The following C16orf87 variants were observed in gnomAD, a reference collection of about 807,000 sequenced individuals.
C16orf87 encodes HDAC and MIER1 interacting protein 1, also known as UPF0547 protein C16orf87.
Under a neutral mutation model 21.0 loss-of-function variants are expected in C16orf87, and 13 were observed. That is an observed-to-expected ratio of 0.62 (90% CI 0.40 to 0.98). The LOEUF (loss-of-function observed/expected upper bound fraction) is 0.98, where lower values mean the gene tolerates loss of function less well. Among genes scored for constraint, C16orf87 ranks in the 50% least tolerant of loss-of-function variants. The pLI is 0.00. For missense variants in C16orf87, 113 were observed against 180.4 expected, an observed-to-expected ratio of 0.63 and a Z score of 2.14; for synonymous variants, 49 against 60.2, an observed-to-expected ratio of 0.81 and a Z score of 0.86.
intron 3 of C16orf87, among the ~76,000 whole-genome samples, chr16:46,806,622 A>G (rs1435196735): frequency 1.3e-5 from 2 of 152,170 alleles, no homozygotes; most frequent in African/African-American, 2.4e-5. Context: ...ATCAGTCAAA[A>G]TGTCACTTCT....
At chr16:46,811,611 C>T (rs189023295) in intron 2 of C16orf87, among the ~76,000 whole-genome samples, 1 of 152,002 alleles carries the variant, frequency 6.6e-6, no homozygotes, top group East Asian at 1.9e-4. Flanking sequence ...TCCAATCTCT[C>T]CAGCCCTTAG....
chr16:46,814,009 A>G (rs1271537278), intron 2 of C16orf87, among the ~76,000 whole-genome samples: 1 of 152,166 alleles, frequency 6.6e-6, no homozygotes, highest in Non-Finnish European at 1.5e-5. Context: ...CATTTACCTT[A>G]CCACCTTCTC....
chr16:46,809,513 G>T (rs1968021528), intron 3 of C16orf87, 90 bp downstream of exon 3: 2 of 762,216 alleles, frequency 2.6e-6, no homozygotes, highest in African/African-American at 3.6e-5. Flanking sequence ...AAGTCCAGGA[G>T]CTCAATGCCT....
At position 46,831,163 on chromosome 16, in the gene C16orf87, A is replaced by G. The variant is rs183432211; in HGVS notation, c.-14T>C. On this transcript the variant is annotated 5_prime_UTR_variant, in exon 1 of 4. Coordinates refer to ENST00000285697, the MANE Select transcript of C16orf87 (RefSeq NM_001001436.4). ...AGTTGCAGACATGCTCCTCTCCCTT[A>G]GCGGCGGCAGCAGCGACGGCTCGGG... 9.0e-3 allele frequency: 13,965 copies of G among 1,554,744 alleles called. 89 individuals are homozygous for G. The highest frequency in any genetic ancestry group is 0.012 in the Middle Eastern group (68 of 5,810).
chr16:46,821,479 C>T (rs946276971), intron 2 of C16orf87, among the ~76,000 whole-genome samples: 7 of 152,196 alleles, frequency 4.6e-5, no homozygotes, highest in Admixed American at 3.9e-4. Flanking sequence ...CTGGTTCTTC[C>T]TCCTCCTGCA....
Position 46,799,009 on chromosome 16 carries a change from C to T in C16orf87, c.*3943G>A, listed in dbSNP as rs1967700179. ...CTACAACTGGATCAAGGCAAAAAGT[C>T]CCAACCAGTGCAATAAGGCAAAGAA... On this transcript the variant is annotated 3_prime_UTR_variant, in exon 4 of 4. Coordinates refer to ENST00000285697, the MANE Select transcript of C16orf87 (RefSeq NM_001001436.4). The T allele has an allele frequency of 6.6e-6, 1 of 151,994 alleles. No individual in the cohort carries two copies. Among genetic ancestry groups the T allele is most frequent in the Admixed American group, 6.6e-5 (1 of 15,248 alleles). The allele number at this position is 151,994 out of a possible 1,614,324, so 9.4% of individuals were successfully genotyped here.
intron 2 of C16orf87, among the ~76,000 whole-genome samples, chr16:46,819,403 T>C (rs1415338176): frequency 6.6e-6 from 1 of 151,948 alleles, no homozygotes; most frequent in African/African-American, 2.4e-5. Flanking sequence ...TCCGCCTCAC[T>C]GGTTCAAGTG....
In C16orf87 at chr16:46,797,850, T is replaced by C. The variant is rs1237255451; in HGVS notation, c.*5102A>G. 2 of 151,900 alleles carry C rather than the reference T, an allele frequency of 1.3e-5. No individual in the cohort carries two copies. The highest frequency in any genetic ancestry group is 4.8e-5 in the African/African-American group (2 of 41,350). The allele number at this position is 151,900 out of a possible 1,614,324, so 9.4% of individuals were successfully genotyped here. On this transcript the variant is annotated 3_prime_UTR_variant, in exon 4 of 4. Coordinates refer to ENST00000285697, the MANE Select transcript of C16orf87 (RefSeq NM_001001436.4). ...AACTATAATTTTAAAAAACAATAAA[T>C]TACAATCAGTAACAGAAAGATAACT...
chr16:46,806,023 G>C (rs1429753705), intron 3 of C16orf87, among the ~76,000 whole-genome samples: 1 of 152,074 alleles, frequency 6.6e-6, no homozygotes, highest in Non-Finnish European at 1.5e-5. Flanking sequence ...GGATAAACCT[G>C]GGGGATAAGA....
intron 2 of C16orf87, among the ~76,000 whole-genome samples, chr16:46,822,285 A>G (rs1309415577): frequency 6.6e-6 from 1 of 152,182 alleles, no homozygotes; most frequent in Non-Finnish European, 1.5e-5. Context: ...ACATAAAAGG[A>G]GCTCAAAAAT....
At chr16:46,811,515 A>G (rs1968083443) in intron 2 of C16orf87, among the ~76,000 whole-genome samples, 1 of 151,936 alleles carries the variant, frequency 6.6e-6, no homozygotes, top group Admixed American at 6.6e-5. Context: ...AAAAAAAAAA[A>G]AAGAGAGAGA....
At chr16:46,829,083 T>C (rs1415061213) in intron 1 of C16orf87, among the ~76,000 whole-genome samples, 1 of 151,996 alleles carries the variant, frequency 6.6e-6, no homozygotes, top group African/African-American at 2.4e-5. Flanking sequence ...GATGGGCCAT[T>C]TGAGAGAGAA....
intron 1 of C16orf87, among the ~76,000 whole-genome samples, chr16:46,828,868 T>C (rs911909172): frequency 1.3e-5 from 2 of 152,190 alleles, no homozygotes; most frequent in African/African-American, 4.8e-5. Context: ...CTAAAATTCA[T>C]CCATTATTTT....
chr16:46,830,714 C>T, intron 1 of C16orf87: 1 of 190,934 alleles, frequency 5.2e-6, no homozygotes. Flanking sequence ...GGCGGGCGTG[C>T]GGCACACTCT....
In C16orf87 at chr16:46,812,849, TA is replaced by T. The variant is rs1323802220; in HGVS notation, c.164-3065del. On this transcript the variant is annotated intron_variant, in intron 2 of 3. Coordinates refer to ENST00000285697, the MANE Select transcript of C16orf87 (RefSeq NM_001001436.4). ...ACAAAAACCTGTTACCAAATCTTAA[TA>T]GACACCTCACTTACCATCTTACACC... 2.0e-5 allele frequency among the ~76,000 whole-genome samples: 3 copies of T among 152,312 alleles called. No homozygotes were observed. In the East Asian group the frequency reaches 5.8e-4, roughly 29 times the overall value.
chr16:46,817,761 T>C (rs1011622152), intron 2 of C16orf87, among the ~76,000 whole-genome samples: 1 of 151,968 alleles, frequency 6.6e-6, no homozygotes, highest in Admixed American at 6.6e-5. Flanking sequence ...GTACAATAGC[T>C]GTACGGCAGA....
chr16:46,809,674 T>C lies in C16orf87; in HGVS notation c.275A>G (p.His92Arg). The C allele has an allele frequency of 6.2e-7, 1 of 1,612,244 alleles. No homozygotes were observed. Among genetic ancestry groups the C allele is most frequent in the Non-Finnish European group, 8.5e-7 (1 of 1,178,396 alleles). Residue 92 changes from histidine (H) to arginine (R), a missense_variant, in exon 3 of 4, where the codon CAT (histidine) becomes CGT (arginine). Coordinates refer to ENST00000285697, the MANE Select transcript of C16orf87 (RefSeq NM_001001436.4). The part of the protein sequence containing the change: ...ENRKRSRSNS[H>R]SDHIRRGRGR... ...TCTTCCTCGTCTGATATGATCTGAA[T>C]GGCTGTTACTTCGAGACCTCTTTCT...
rs1383214789 is a variant in C16orf87 at position 46,796,653 on chromosome 16, T to G, written c.*6299A>C. On this transcript the variant is annotated 3_prime_UTR_variant, in exon 4 of 4. Coordinates refer to ENST00000285697, the MANE Select transcript of C16orf87 (RefSeq NM_001001436.4). ...AGACATCCTACAATGTGAACATACA[T>G]ATTGAAACATCATGCTGCATACAAT... 6.6e-6 allele frequency: 1 copy of G among 152,228 alleles called. No homozygotes were observed. The highest frequency in any genetic ancestry group is 1.5e-5 in the Non-Finnish European group (1 of 68,044). The allele number at this position is 152,228 out of a possible 1,614,324, so 9.4% of individuals were successfully genotyped here.
intron 2 of C16orf87, among the ~76,000 whole-genome samples, chr16:46,817,460 G>A (rs2143120510): frequency 6.6e-6 from 1 of 152,226 alleles, no homozygotes; most frequent in South Asian, 2.1e-4. Flanking sequence ...GCAGAGGCGG[G>A]CAGCTCCACC....
Sources: gnomAD v4.1 joint callset for allele counts (sites outside exome capture counted in the v4.1 genomes callset) on GRCh38, gnomAD v4.1.1 for gene constraint, MANE v1.5 for transcripts, NCBI Gene and HGNC (gene_info 2026-07-23, HGNC 2026-07-21) for gene names.